Variants in ATE1 observed in about 807,000 individuals in gnomAD.
ATE1 encodes the protein arginyl-tRNA--protein transferase 1.
Under a neutral mutation model 70.5 loss-of-function variants are expected in ATE1, and 36 were observed. The ratio of observed to expected loss-of-function variants is 0.51; its 90% confidence interval spans 0.39 to 0.67. The LOEUF is 0.67. Ranked by LOEUF, ATE1 falls within the 30% of genes least tolerant of loss-of-function variation. The probability of loss-of-function intolerance (pLI) is 0.00; values close to 1 mark genes in which losing one functional copy is unlikely to be tolerated. For synonymous variants in ATE1, 232 were observed against 219.3 expected (o/e 1.06, Z -0.51); for missense variants, 593 against 629.5 (o/e 0.94, Z 0.62).
At chr10:121,753,045 A>C (rs917668098) in intron 11 of ATE1, among the ~76,000 whole-genome samples, 2 of 152,214 alleles carry the variant, frequency 1.3e-5, no homozygotes, top group East Asian at 1.9e-4. Context: ...ATTTTCCAGA[A>C]TATAATTTTT....
intron 11 of ATE1, among the ~76,000 whole-genome samples, chr10:121,784,911 G>A (rs961195177): frequency 9.9e-5 from 15 of 152,136 alleles, no homozygotes; most frequent in Non-Finnish European, 8.8e-5. Flanking sequence ...TTTAAGAGGA[G>A]AGAAAGTAAA....
chr10:121,772,775 T>C (rs577559054), intron 11 of ATE1, among the ~76,000 whole-genome samples: 1 of 152,240 alleles, frequency 6.6e-6, no homozygotes, highest in African/African-American at 2.4e-5. Context: ...ACAGATACTT[T>C]TGAGATAGCC....
At chr10:121,912,584 G>A (rs1218139064) in intron 4 of ATE1, among the ~76,000 whole-genome samples, 1 of 151,804 alleles carries the variant, frequency 6.6e-6, no homozygotes, top group East Asian at 2.0e-4. Flanking sequence ...CCCGGGAGGT[G>A]GAGGTTGCAG....
intron 9 of ATE1, among the ~76,000 whole-genome samples, chr10:121,840,645 C>T (rs1225500538): frequency 1.3e-5 from 2 of 151,774 alleles, no homozygotes; most frequent in Non-Finnish European, 2.9e-5. Context: ...AGAGAATTAC[C>T]ATCAGACACT....
intron 10 of ATE1, among the ~76,000 whole-genome samples, chr10:121,796,701 A>C (rs1946671654): frequency 6.6e-6 from 1 of 152,222 alleles, no homozygotes; most frequent in Admixed American, 6.5e-5. Context: ...CATAGAATGA[A>C]AATCTAGGAA....
At chr10:121,863,502 C>T (rs1024940796) in intron 8 of ATE1, among the ~76,000 whole-genome samples, 3 of 152,092 alleles carry the variant, frequency 2.0e-5, no homozygotes, top group South Asian at 2.1e-4. Context: ...CCACCTGCCT[C>T]GACCTCCAAA....
At chr10:121,750,319 G>C (rs1206218475) in intron 11 of ATE1, among the ~76,000 whole-genome samples, 1 of 152,150 alleles carries the variant, frequency 6.6e-6, no homozygotes, top group Non-Finnish European at 1.5e-5. Context: ...AAAACTCTCG[G>C]CTTACTGAGA....
At chr10:121,884,022 C>T (rs1950302591) in intron 7 of ATE1, among the ~76,000 whole-genome samples, 1 of 134,734 alleles carries the variant, frequency 7.4e-6, no homozygotes, top group African/African-American at 2.7e-5. Flanking sequence ...AGAAGAATTG[C>T]TTGAGCCTCG....
intron 10 of ATE1, among the ~76,000 whole-genome samples, chr10:121,823,800 T>C (rs1315806404): frequency 6.6e-6 from 1 of 152,238 alleles, no homozygotes; most frequent in Non-Finnish European, 1.5e-5. Flanking sequence ...AAAACTTACC[T>C]TTAATTAACA....
chr10:121,840,966 CATT>C (rs980929637), intron 9 of ATE1, 113 bp downstream of exon 9: 66 of 966,922 alleles, frequency 6.8e-5, no homozygotes, highest in Middle Eastern at 3.7e-4. Context: ...AGCAACAAAT[CATT>C]ATAATACACT....
At chr10:121,893,959 G>T (rs924562144) in intron 7 of ATE1, among the ~76,000 whole-genome samples, 1 of 152,024 alleles carries the variant, frequency 6.6e-6, no homozygotes, top group Admixed American at 6.6e-5. Context: ...CCAATATGAA[G>T]AAACCCCGTC....
At chr10:121,900,294 CACGACACAT>C (rs1382463791) in intron 6 of ATE1, among the ~76,000 whole-genome samples, 6 of 152,152 alleles carry the variant, frequency 3.9e-5, no homozygotes, top group Admixed American at 6.5e-5. Context: ...CTCGTACACA[CACGACACAT>C]ACACACACAA....
At chr10:121,822,767 A>C (rs1027113672) in intron 10 of ATE1, among the ~76,000 whole-genome samples, 2 of 152,102 alleles carry the variant, frequency 1.3e-5, no homozygotes, top group Non-Finnish European at 2.9e-5. Context: ...AATTTTTTTT[A>C]ATTCCACTGA....
chr10:121,786,615 G>A (rs977307105), intron 11 of ATE1, among the ~76,000 whole-genome samples: 6 of 150,750 alleles, frequency 4.0e-5, no homozygotes, highest in Non-Finnish European at 8.8e-5. Context: ...GCTGCAGTGA[G>A]CCAAGATCAT....
intron 10 of ATE1, among the ~76,000 whole-genome samples, chr10:121,808,531 A>G (rs886665986): frequency 6.6e-6 from 1 of 152,202 alleles, no homozygotes; most frequent in African/African-American, 2.4e-5. Flanking sequence ...CACATTCTCA[A>G]ACTCCACTCA....
At position 121,840,887 on chromosome 10, in the gene ATE1, A is replaced by G. The variant is rs535002784; in HGVS notation, c.1157+195T>C. On this transcript the variant is annotated intron_variant, in intron 9 of 11. Transcript: ENST00000224652. The stretch of plus-strand genomic sequence containing the variant: ...AATTATATATAAGTATATATTATAT[A>G]GGAGTATTTAACTCATATAGAATAC... 7.9e-5 allele frequency among the ~76,000 whole-genome samples: 12 copies of G among 151,318 alleles called. No individual in the cohort carries two copies. The South Asian group carries it at 2.3e-3, about 29-fold the overall frequency.
intron 8 of ATE1, among the ~76,000 whole-genome samples, chr10:121,863,347 G>A (rs1024999858): frequency 4.0e-5 from 6 of 148,298 alleles, no homozygotes; most frequent in East Asian, 2.0e-4. Flanking sequence ...TCCGCCTCCC[G>A]GGTTCAAGCG....
chr10:121,753,615 G>A (rs148522473), intron 11 of ATE1, among the ~76,000 whole-genome samples: 1 of 152,210 alleles, frequency 6.6e-6, no homozygotes, highest in African/African-American at 2.4e-5. Flanking sequence ...ATATACTGCT[G>A]GTAGGATCTG....
intron 11 of ATE1, among the ~76,000 whole-genome samples, chr10:121,767,922 C>A (rs1157827339): frequency 6.6e-6 from 1 of 152,178 alleles, no homozygotes; most frequent in Non-Finnish European, 1.5e-5. Flanking sequence ...TATTTGTACA[C>A]CCATGGTCAT....
Sources: gnomAD v4.1 joint callset for allele counts (sites outside exome capture counted in the v4.1 genomes callset) on GRCh38, gnomAD v4.1.1 for gene constraint, MANE v1.5 for transcripts, NCBI Gene and HGNC (gene_info 2026-07-23, HGNC 2026-07-21) for gene names.